ANO4: variants seen among roughly 807,000 people sequenced by gnomAD.
ANO4 encodes anoctamin 4, also known as anoctamin-4.
Under a neutral mutation model 141.9 loss-of-function variants are expected in ANO4, and 69 were observed. The observed-to-expected ratio is 0.49, with a 90% CI of 0.40 to 0.59. The LOEUF (loss-of-function observed/expected upper bound fraction) is 0.59. Ranked by LOEUF, ANO4 falls within the 20% of genes least tolerant of loss-of-function variation. The pLI is 0.00. For missense variants in ANO4, 894 were observed against 1,162.2 expected (o/e 0.77, Z 3.36); for synonymous variants, 350 against 394.3 (o/e 0.89, Z 1.33).
intron 1 of ANO4, among the ~76,000 whole-genome samples, chr12:100,857,001 T>C (rs1259585604): frequency 6.6e-6 from 1 of 152,130 alleles, no homozygotes; most frequent in Non-Finnish European, 1.5e-5. Context: ...CTTTCTTCTC[T>C]AGTTAGTGAG....
chr12:101,099,509 T>A, intron 21 of ANO4, 69 bp from the exon 22 acceptor site: 2 of 1,425,616 alleles, frequency 1.4e-6, no homozygotes, highest in Non-Finnish European at 1.9e-6. Flanking sequence ...ATTCAAACTC[T>A]CCTTTTTCTT....
At chr12:100,967,502 C>A (rs2043725568) in intron 5 of ANO4, among the ~76,000 whole-genome samples, 1 of 151,728 alleles carries the variant, frequency 6.6e-6, no homozygotes, top group South Asian at 2.1e-4. Flanking sequence ...CTTCTCAGTT[C>A]TTCCTTGAAA....
chr12:100,808,843 T>C, intron 1 of ANO4, among the ~76,000 whole-genome samples: 1 of 152,188 alleles, frequency 6.6e-6, no homozygotes, highest in East Asian at 1.9e-4. Context: ...AACGTATTTG[T>C]TTTAAATTTG....
intron 17 of ANO4, among the ~76,000 whole-genome samples, chr12:101,093,983 A>G (rs1363977293): frequency 1.3e-5 from 2 of 152,162 alleles, no homozygotes; most frequent in Admixed American, 1.3e-4. Context: ...CCTTGTTGCC[A>G]TAAAATTATT....
At chr12:101,081,838 G>C (rs78639788) in intron 15 of ANO4, among the ~76,000 whole-genome samples, 1 of 151,964 alleles carries the variant, frequency 6.6e-6, no homozygotes, top group African/African-American at 2.4e-5. Context: ...TCTTCACATC[G>C]TCTTCCCCCT....
chr12:100,748,781 T>C (rs992363758), intron 3 of ANO4, among the ~76,000 whole-genome samples: 1 of 152,186 alleles, frequency 6.6e-6, no homozygotes, highest in Non-Finnish European at 1.5e-5. Flanking sequence ...CTGATTTTAA[T>C]TGAGCATTGT....
At chr12:100,776,651 G>A (rs771548814) in intron 3 of ANO4, among the ~76,000 whole-genome samples, 7 of 152,174 alleles carry the variant, frequency 4.6e-5, no homozygotes, top group Non-Finnish European at 1.0e-4. Flanking sequence ...GCTAGTCTAA[G>A]GATTAATTGA....
At chr12:100,774,501 G>A (rs575339559) in intron 3 of ANO4, among the ~76,000 whole-genome samples, 1 of 152,316 alleles carries the variant, frequency 6.6e-6, no homozygotes, top group African/African-American at 2.4e-5. Context: ...AACAGATTGA[G>A]TTTTTTGATT....
intron 2 of ANO4, among the ~76,000 whole-genome samples, chr12:100,906,092 G>A (rs1465228237): frequency 6.6e-6 from 1 of 152,172 alleles, no homozygotes; most frequent in African/African-American, 2.4e-5. Flanking sequence ...ACTAAAGTAG[G>A]ACTAGTTATC....
Position 100,778,288 on chromosome 12 carries a change from A to C in ANO4, c.358+38183A>C, listed in dbSNP as rs553631887. Reference sequence around the variant, plus strand: ...CCATAGGAAGAGTTTCAGTGGACTTAAATACCTTTTGTGACAAGTGGGGGT... The same window carrying C: ...CCATAGGAAGAGTTTCAGTGGACTTCAATACCTTTTGTGACAAGTGGGGGT... On this transcript the variant is annotated intron_variant, in intron 3 of 29. Coordinates refer to the ANO4 transcript ENST00000644049. 5.1e-4 allele frequency among the ~76,000 whole-genome samples: 77 copies of C among 152,232 alleles called. 1 individual carries two copies. Among genetic ancestry groups the C allele is most frequent in the African/African-American group, 1.8e-3 (74 of 41,528 alleles).
intron 2 of ANO4, among the ~76,000 whole-genome samples, chr12:100,909,497 C>T (rs1022503266): frequency 6.6e-6 from 1 of 152,122 alleles, no homozygotes; most frequent in Non-Finnish European, 1.5e-5. Context: ...GAAGAATGCC[C>T]ACTACAGGGA....
intron 9 of ANO4, among the ~76,000 whole-genome samples, chr12:101,033,353 A>C (rs1205249245): frequency 1.3e-5 from 2 of 152,042 alleles, no homozygotes; most frequent in Non-Finnish European, 2.9e-5. Context: ...GCATTGGGAG[A>C]TACACCTAAT....
chr12:100,943,149 C>T (rs935599722), intron 5 of ANO4, among the ~76,000 whole-genome samples: 1 of 152,160 alleles, frequency 6.6e-6, no homozygotes, highest in Non-Finnish European at 1.5e-5. Context: ...TACAAGAGGC[C>T]AGCCAGGCCT....
chr12:100,782,208 T>C (rs1304191543), intron 3 of ANO4, among the ~76,000 whole-genome samples: 1 of 152,202 alleles, frequency 6.6e-6, no homozygotes, highest in East Asian at 1.9e-4. Flanking sequence ...TCTCACATCT[T>C]TCCGATGTTA....
chr12:100,933,482 G>T (rs1307060387), intron 3 of ANO4, among the ~76,000 whole-genome samples: 1 of 152,160 alleles, frequency 6.6e-6, no homozygotes, highest in Non-Finnish European at 1.5e-5. Flanking sequence ...GTATTCCGTG[G>T]TGTATATGTG....
chr12:100,829,955 G>A lies in ANO4; in HGVS notation c.-141+34928G>A, dbSNP rs868125624. ...TAAGAACCAGCATTGTGGTGGAGTG[G>A]TGACAGAATTGCATTGAAATCGTGG... On this transcript the variant is annotated intron_variant, in intron 1 of 27. Transcript: ENST00000392977. Among the ~76,000 whole-genome samples the A allele has an allele frequency of 3.4e-4, 51 of 152,158 alleles. 1 individual carries two copies. Among genetic ancestry groups the A allele is most frequent in the African/African-American group, 1.2e-3 (48 of 41,548 alleles).
chr12:100,792,959 T>C (rs74348682), upstream of ANO4, among the ~76,000 whole-genome samples: 4 of 152,354 alleles, frequency 2.6e-5, no homozygotes, highest in East Asian at 7.7e-4. Context: ...ATTTCCTGAA[T>C]GGCTTCGGTT....
intron 3 of ANO4, among the ~76,000 whole-genome samples, chr12:100,775,332 A>G (rs2033463409): frequency 2.6e-5 from 4 of 152,246 alleles, no homozygotes. Flanking sequence ...GTTTGATATC[A>G]GAAGGAGACC....
intron 25 of ANO4, among the ~76,000 whole-genome samples, chr12:101,117,785 GC>G (rs1266586305): frequency 6.6e-6 from 1 of 152,182 alleles, no homozygotes; most frequent in Non-Finnish European, 1.5e-5. Context: ...AGGAAGAACA[GC>G]CATGGAGTCC....
Sources: gnomAD v4.1 joint callset for allele counts (sites outside exome capture counted in the v4.1 genomes callset) on GRCh38, gnomAD v4.1.1 for gene constraint, MANE v1.5 for transcripts, NCBI Gene and HGNC (gene_info 2026-07-23, HGNC 2026-07-21) for gene names.